DENND4A: variants seen among roughly 807,000 people sequenced by gnomAD.
DENND4A encodes DENN domain containing 4A.
A neutral mutation model predicts 199.3 loss-of-function variants in DENND4A; 70 were observed. The ratio of observed to expected loss-of-function variants is 0.35; its 90% confidence interval spans 0.29 to 0.43. DENND4A has a LOEUF of 0.43. Ranked by LOEUF, DENND4A falls within the 20% of genes least tolerant of loss-of-function variation. DENND4A has a pLI of 1.00. For synonymous variants in DENND4A, 686 were observed against 766.9 expected, an observed-to-expected ratio of 0.89 and a Z score of 1.74; for missense variants, 1,723 against 2,255.8, an observed-to-expected ratio of 0.76 and a Z score of 4.78.
At chr15:65,675,218 A>G (rs966619838) in intron 24 of DENND4A, among the ~76,000 whole-genome samples, 1 of 152,178 alleles carries the variant, frequency 6.6e-6, no homozygotes, top group Non-Finnish European at 1.5e-5. Flanking sequence ...ACAAAAAAGA[A>G]TATGTGACAG....
At chr15:65,745,970 C>T (rs1006899300) in intron 4 of DENND4A, among the ~76,000 whole-genome samples, 3 of 146,558 alleles carry the variant, frequency 2.0e-5, no homozygotes, top group South Asian at 4.2e-4. Flanking sequence ...CCCGTCTCTA[C>T]CAAAAAAAAA....
At chr15:65,731,166 A>C (rs2075946070) in intron 9 of DENND4A, among the ~76,000 whole-genome samples, 4 of 152,014 alleles carry the variant, frequency 2.6e-5, no homozygotes, top group Admixed American at 2.0e-4. Context: ...AATTTCAAGA[A>C]AGGATACTGT....
chr15:65,760,761 T>C (rs2076833243), intron 2 of DENND4A, among the ~76,000 whole-genome samples: 1 of 151,814 alleles, frequency 6.6e-6, no homozygotes, highest in Non-Finnish European at 1.5e-5. Flanking sequence ...TGATGGTGCA[T>C]GCCTATGATC....
In DENND4A at chr15:65,726,376, C is replaced by T. The variant is rs184508044; in HGVS notation, c.1487+2696G>A. 1.6e-3 allele frequency among the ~76,000 whole-genome samples: 243 copies of T among 152,228 alleles called. 1 individual carries two copies. Among genetic ancestry groups the T allele is most frequent in the Non-Finnish European group, 8.7e-4 (59 of 68,020 alleles). On this transcript the variant is annotated intron_variant, in intron 11 of 32. Coordinates refer to ENST00000443035, the MANE Select transcript of DENND4A (RefSeq NM_001320835.1). ...ATTTCAATTAAAAAATATTACATCACGTAACATTAACCTGGCAAGGAAAAG... is the reference window on the plus strand; with the variant it reads ...ATTTCAATTAAAAAATATTACATCATGTAACATTAACCTGGCAAGGAAAAG...
At chr15:65,703,744 A>G (rs1596476329) in intron 15 of DENND4A, among the ~76,000 whole-genome samples, 1 of 152,196 alleles carries the variant, frequency 6.6e-6, no homozygotes, top group African/African-American at 2.4e-5. Flanking sequence ...AGGCAGGAGG[A>G]CTGCCTGAGC....
chr15:65,718,760 CTTTTTTTTTTTTTTT>C (rs1038227560), intron 12 of DENND4A, among the ~76,000 whole-genome samples: 5,227 of 68,010 alleles, frequency 0.077, 359 homozygotes, highest in African/African-American at 0.22. Context: ...GTTTTTTTTC[CTTTTTTTTTTTTTTT>C]TTTTTTTTTT....
chr15:65,669,810 G>C lies in DENND4A; in HGVS notation c.4756C>G (p.Leu1586Val), dbSNP rs199856490. 4.0e-5 allele frequency: 65 copies of C among 1,613,612 alleles called. No homozygotes were observed. The East Asian group carries it at 1.2e-3, about 31-fold the overall frequency. Residue 1586 changes from leucine (L) to valine (V), a missense_variant, in exon 27 of 33, where the codon CTC becomes GTC. Physicochemically the swap from Leu to Val is conservative, Grantham distance 32 (BLOSUM62 1). Around this residue, in one of 6 missense-constraint regions of DENND4A, gnomAD observed 141 missense variants for 170.7 expected, o/e 0.83. Transcript: ENST00000443035. ...TSASGLDTSA[L>V]SVQGNFDLNS... Reference sequence around the variant, plus strand: ...AGATCAAAATTCCCTTGAACAGAGAGAGCAGATGTGTCAAGACCAGAGGCT... The same window carrying C: ...AGATCAAAATTCCCTTGAACAGAGACAGCAGATGTGTCAAGACCAGAGGCT...
At chr15:65,700,296 A>G (rs994294645) in intron 20 of DENND4A, among the ~76,000 whole-genome samples, 2 of 152,132 alleles carry the variant, frequency 1.3e-5, no homozygotes, top group Non-Finnish European at 2.9e-5. Context: ...AGTTAACTGG[A>G]TTATCATATA....
At chr15:65,700,483 G>C in intron 20 of DENND4A, 61 bp downstream of exon 20, 1 of 1,117,774 alleles carries the variant, frequency 8.9e-7, no homozygotes, top group Admixed American at 4.0e-5. Context: ...AAAAAACATA[G>C]GCTAGCAAAT....
chr15:65,670,197 G>A lies in DENND4A; in HGVS notation c.4465-9C>T, dbSNP rs1377341674. Reference sequence around the variant, plus strand: ...CAACTTGAGATGAGAACCTGTGGGAGAAGATAGCACTTTATAAAGAAAGCT... The same window carrying A: ...CAACTTGAGATGAGAACCTGTGGGAAAAGATAGCACTTTATAAAGAAAGCT... On this transcript the variant is annotated splice_polypyrimidine_tract_variant and intron_variant, in intron 25 of 32. Transcript: ENST00000443035. 2 of 1,498,654 alleles carry A rather than the reference G, an allele frequency of 1.3e-6. No individual in the cohort carries two copies. Among genetic ancestry groups the A allele is most frequent in the Non-Finnish European group, 1.8e-6 (2 of 1,120,596 alleles). 92.8% of individuals were successfully genotyped at this position (1,498,654 alleles called of 1,614,324 possible).
At chr15:65,720,491 A>C (rs1448652875) in intron 12 of DENND4A, among the ~76,000 whole-genome samples, 1 of 150,666 alleles carries the variant, frequency 6.6e-6, no homozygotes, top group East Asian at 1.9e-4. Context: ...GGTTCACTGC[A>C]ACCTTTGCCT....
chr15:65,663,350 C>T (rs1003315419), intron 32 of DENND4A, among the ~76,000 whole-genome samples: 5 of 151,728 alleles, frequency 3.3e-5, no homozygotes, highest in South Asian at 2.1e-4. Context: ...GCTGGGACTA[C>T]AGGCATGCGC....
At chr15:65,732,161 G>A (rs1197975549) in intron 8 of DENND4A, among the ~76,000 whole-genome samples, 1 of 152,042 alleles carries the variant, frequency 6.6e-6, no homozygotes, top group Non-Finnish European at 1.5e-5. Flanking sequence ...CAGATGACAA[G>A]TAAAGACTAA....
At chr15:65,673,747 C>G (rs896381881) in intron 24 of DENND4A, among the ~76,000 whole-genome samples, 18 of 152,026 alleles carry the variant, frequency 1.2e-4, no homozygotes, top group African/African-American at 4.3e-4. Flanking sequence ...ATGCTTAGCA[C>G]TGGTGGTAAA....
chr15:65,674,352 G>A (rs989678992), intron 24 of DENND4A, among the ~76,000 whole-genome samples: 1 of 152,184 alleles, frequency 6.6e-6, no homozygotes, highest in Non-Finnish European at 1.5e-5. Context: ...ATGTTTACCT[G>A]TAAAGAAAGA....
chr15:65,681,288 A>T, intron 23 of DENND4A: 1 of 152,198 alleles, frequency 6.6e-6, no homozygotes, highest in Non-Finnish European at 1.5e-5. Flanking sequence ...TCCAAACTCC[A>T]GTTAATGTTG....
chr15:65,738,689 T>C lies in DENND4A; in HGVS notation c.801+17A>G. The C allele has an allele frequency of 6.3e-7, 1 of 1,581,244 alleles. No individual in the cohort carries two copies. Among genetic ancestry groups the C allele is most frequent in the Non-Finnish European group, 8.6e-7 (1 of 1,165,534 alleles). Reference sequence around the variant, plus strand: ...GTACAAGAAATTTGTAGATACAATTTGTCAAACACATAATACCTTTTCAGC... The same window carrying C: ...GTACAAGAAATTTGTAGATACAATTCGTCAAACACATAATACCTTTTCAGC... On this transcript the variant is annotated intron_variant, in intron 6 of 32. Transcript: ENST00000443035.
chr15:65,727,912 C>T (rs1463320522), intron 11 of DENND4A: 1 of 258,330 alleles, frequency 3.9e-6, no homozygotes, highest in Non-Finnish European at 7.6e-6. Context: ...CCCTTGCATC[C>T]CTAGGGTGTA....
In DENND4A at chr15:65,659,457, C is replaced by T. The variant is rs1482013388; in HGVS notation, c.*2394G>A. The T allele has an allele frequency of 1.3e-5, 2 of 150,322 alleles. No homozygotes were observed. Among genetic ancestry groups the T allele is most frequent in the Non-Finnish European group, 3.0e-5 (2 of 67,760 alleles). 9.3% of individuals were successfully genotyped at this position (150,322 alleles called of 1,614,324 possible). A position where few individuals can be genotyped will look rare whatever the true frequency, so the allele number is the denominator to read the frequency against. On this transcript the variant is annotated 3_prime_UTR_variant, in exon 33 of 33. Coordinates refer to ENST00000443035, the MANE Select transcript of DENND4A (RefSeq NM_001320835.1). Reference sequence around the variant, plus strand: ...CAAAGTGATCCTCCTGCTTCAGCCTCCCGAGTAGCTGGGATTACCAAGCAT... The same window carrying T: ...CAAAGTGATCCTCCTGCTTCAGCCTTCCGAGTAGCTGGGATTACCAAGCAT...
Sources: allele counts gnomAD v4.1 joint callset (sites outside exome capture counted in the v4.1 genomes callset), GRCh38; gene constraint gnomAD v4.1.1; regional missense constraint gnomAD v4.1.1; transcripts MANE v1.5; gene names NCBI Gene and HGNC (gene_info 2026-07-23, HGNC 2026-07-21).